Variants in STAG1 observed in about 807,000 individuals in gnomAD.
STAG1 encodes STAG1 cohesin complex component.
STAG1 carries 26 observed loss-of-function variants against 170.9 expected under a neutral mutation model. The ratio of observed to expected loss-of-function variants is 0.15; its 90% CI spans 0.11 to 0.21. STAG1 has a LOEUF of 0.21. Among genes scored for constraint, STAG1 ranks in the 10% least tolerant of loss-of-function variants. The pLI is 1.00. For synonymous variants in STAG1, 514 were observed against 497.7 expected, an observed-to-expected ratio of 1.03 and a Z score of -0.44; for missense variants, 964 against 1,509.5, an observed-to-expected ratio of 0.64 and a Z score of 5.99.
chr3:136,659,879 T>C (rs1230399035), intron 1 of STAG1, among the ~76,000 whole-genome samples: 1 of 152,166 alleles, frequency 6.6e-6, no homozygotes, highest in African/African-American at 2.4e-5. Flanking sequence ...CCAAATGTGG[T>C]ATACTGAATT....
intron 1 of STAG1, among the ~76,000 whole-genome samples, chr3:136,664,652 G>A (rs1001916813): frequency 6.6e-6 from 1 of 152,032 alleles, no homozygotes; most frequent in South Asian, 2.1e-4. Context: ...ATGTATATCT[G>A]TGCTTTACAC....
chr3:136,370,352 TA>T (rs1398715810), intron 23 of STAG1, among the ~76,000 whole-genome samples: 1 of 152,038 alleles, frequency 6.6e-6, no homozygotes, highest in Non-Finnish European at 1.5e-5. Context: ...TTTCTTTTTT[TA>T]ATTTTATTAT....
chr3:136,382,777 G>C (rs920055139), intron 22 of STAG1, among the ~76,000 whole-genome samples: 3 of 152,110 alleles, frequency 2.0e-5, no homozygotes, highest in Non-Finnish European at 2.9e-5. Flanking sequence ...TAGCAATAAA[G>C]TTTGGCCTAG....
At chr3:136,476,428 G>A (rs2089751468) in intron 10 of STAG1, among the ~76,000 whole-genome samples, 1 of 152,184 alleles carries the variant, frequency 6.6e-6, no homozygotes, top group African/African-American at 2.4e-5. Flanking sequence ...GCAACCCATA[G>A]GGATTTATGG....
chr3:136,611,658 CTTTTTTTTTT>C lies in STAG1; in HGVS notation c.133-7195_133-7186del, dbSNP rs760493827. Among the ~76,000 whole-genome samples the C allele has an allele frequency of 8.3e-5, 6 of 72,602 alleles. No homozygotes were observed. The South Asian group carries it at 2.5e-3, about 31-fold the overall frequency. 47.6% of individuals were successfully genotyped at this position (72,602 alleles called of 152,430 possible). ...TATAAGCACTAGCCACCACACCCAG[CTTTTTTTTTT>C]TTTTTTTTTTTTTTTTTGGTACAGA... is the stretch of plus-strand genomic sequence containing the variant. On this transcript the variant is annotated intron_variant, in intron 3 of 33. Transcript: ENST00000383202.
At chr3:136,394,074 A>T (rs2087083093) in intron 22 of STAG1, among the ~76,000 whole-genome samples, 1 of 151,904 alleles carries the variant, frequency 6.6e-6, no homozygotes, top group Non-Finnish European at 1.5e-5. Flanking sequence ...CGCCCAGCAA[A>T]TTTTTGTATT....
At chr3:136,457,804 T>C (rs183758087) in intron 13 of STAG1, among the ~76,000 whole-genome samples, 23 of 152,084 alleles carry the variant, frequency 1.5e-4, no homozygotes, top group Admixed American at 1.3e-3. Flanking sequence ...CTATTAAAAA[T>C]AACAACTGGG....
In STAG1 at chr3:136,336,236, T is replaced by G. The variant is rs1935676099; in HGVS notation, c.*2018A>C. 6.6e-6 allele frequency: 1 copy of G among 152,134 alleles called. No individual in the cohort carries two copies. The highest frequency in any genetic ancestry group is 2.4e-5 in the African/African-American group (1 of 41,430). The allele number at this position is 152,134 out of a possible 1,614,324, so 9.4% of individuals were successfully genotyped here. On this transcript the variant is annotated 3_prime_UTR_variant, in exon 34 of 34. Transcript: ENST00000383202. ...AACAATAGGATGACTACCACAAGCC[T>G]GATTTTGAATAGTTTATTAAAGGAA...
At chr3:136,649,503 C>CAAAAAAAA (rs761067087) in intron 1 of STAG1, among the ~76,000 whole-genome samples, 10 of 70,844 alleles carry the variant, frequency 1.4e-4, no homozygotes, top group Non-Finnish European at 3.0e-4. Flanking sequence ...AAAACAGAAA[C>CAAAAAAAA]AAAAAAAAAA....
At chr3:136,614,012 T>C (rs1167140113) in intron 3 of STAG1, among the ~76,000 whole-genome samples, 3 of 151,958 alleles carry the variant, frequency 2.0e-5, no homozygotes, top group East Asian at 1.9e-4. Context: ...GTCAGGAGTT[T>C]GAGACCGGCC....
intron 23 of STAG1, among the ~76,000 whole-genome samples, chr3:136,375,139 C>T (rs1395960065): frequency 2.0e-5 from 3 of 152,120 alleles, no homozygotes; most frequent in Non-Finnish European, 4.4e-5. Flanking sequence ...CCTAACAACA[C>T]ATTTCTCACA....
intron 28 of STAG1, among the ~76,000 whole-genome samples, chr3:136,355,893 A>G (rs1341863987): frequency 6.6e-6 from 1 of 152,226 alleles, no homozygotes; most frequent in Non-Finnish European, 1.5e-5. Context: ...CAGAAATGCA[A>G]CATACCAAAA....
intron 21 of STAG1, among the ~76,000 whole-genome samples, chr3:136,407,118 T>C (rs559792077): frequency 5.9e-5 from 9 of 152,080 alleles, no homozygotes; most frequent in Admixed American, 5.9e-4. Context: ...CCTCGGCCTC[T>C]GGGGTTCAAG....
At chr3:136,692,691 G>A (rs552055768) in intron 1 of STAG1, among the ~76,000 whole-genome samples, 1 of 152,124 alleles carries the variant, frequency 6.6e-6, no homozygotes, top group South Asian at 2.1e-4. Context: ...ATGAAAGTAA[G>A]GTGTTCTAAA....
chr3:136,362,244 C>T (rs1936898306), intron 26 of STAG1, among the ~76,000 whole-genome samples: 1 of 151,878 alleles, frequency 6.6e-6, no homozygotes, highest in South Asian at 2.1e-4. Context: ...CAGGTGTGAG[C>T]CACTGCGTCC....
intron 21 of STAG1, among the ~76,000 whole-genome samples, chr3:136,409,323 A>G (rs765273745): frequency 5.9e-5 from 9 of 151,988 alleles, no homozygotes; most frequent in Non-Finnish European, 1.2e-4. Flanking sequence ...CCAAAAACCA[A>G]TAACCACTAT....
At chr3:136,546,191 G>C (rs936129658) in intron 5 of STAG1, among the ~76,000 whole-genome samples, 8 of 152,136 alleles carry the variant, frequency 5.3e-5, no homozygotes, top group Non-Finnish European at 1.2e-4. Flanking sequence ...ATTAAAATAA[G>C]TTCATATCAG....
At chr3:136,382,039 T>C (rs1196036134) in intron 22 of STAG1, among the ~76,000 whole-genome samples, 1 of 152,222 alleles carries the variant, frequency 6.6e-6, no homozygotes, top group Non-Finnish European at 1.5e-5. Flanking sequence ...GTTGGTATAC[T>C]TAATATGGAT....
intron 12 of STAG1, among the ~76,000 whole-genome samples, chr3:136,466,407 C>A (rs371133569): frequency 6.6e-6 from 1 of 151,996 alleles, no homozygotes; most frequent in Non-Finnish European, 1.5e-5. Context: ...GTATCAGTGA[C>A]TGAAGATCAA....
Sources: gnomAD v4.1 joint callset for allele counts (sites outside exome capture counted in the v4.1 genomes callset) on GRCh38, gnomAD v4.1.1 for gene constraint, MANE v1.5 for transcripts, NCBI Gene and HGNC (gene_info 2026-07-23, HGNC 2026-07-21) for gene names.